Variants in ZMYND15 observed in about 807,000 individuals in gnomAD.
The protein encoded by ZMYND15 is zinc finger MYND-type containing 15.
Under a neutral mutation model 81.7 loss-of-function variants are expected in ZMYND15, and 54 were observed. That is an observed-to-expected ratio of 0.66 (90% CI 0.53 to 0.83). ZMYND15 has a LOEUF of 0.83. Ranked by LOEUF, ZMYND15 falls within the 40% of genes least tolerant of loss-of-function variation. The pLI, the probability that ZMYND15 is intolerant of heterozygous loss-of-function variation, is 0.00. For missense variants in ZMYND15, 925 were observed against 973.5 expected (o/e 0.95, Z 0.66); for synonymous variants, 399 against 387.0 (o/e 1.03, Z -0.36).
rs1272442072 is a variant in ZMYND15 at position 4,745,645 on chromosome 17, C to G, written c.2058-174C>G. On this transcript the variant is annotated intron_variant, in intron 13 of 13. Transcript: ENST00000433935. This position sits in a 1 kb window ranked among gnomAD's most constrained non-coding sequence, Gnocchi z 5.2. The stretch of plus-strand genomic sequence containing the variant: ...CCCTCCAACAGACCCAACCCTGAGT[C>G]TAGCCCCACGCCCTGGAACTCAGAG... 6.6e-6 allele frequency among the ~76,000 whole-genome samples: 1 copy of G among 151,488 alleles called. No homozygotes were observed. Among genetic ancestry groups the G allele is most frequent in the South Asian group, 2.1e-4 (1 of 4,822 alleles).
intron 1 of ZMYND15, 148 bp downstream of exon 1, chr17:4,740,198 T>G: frequency 1.7e-6 from 1 of 596,536 alleles, no homozygotes. Context: ...CCGTTCCCGA[T>G]AGGATTAGCC....
chr17:4,741,990 A>T lies in ZMYND15; in HGVS notation c.903A>T (p.Pro301=). ...KTPMRTWGPR[P]GFTFASLRAR... Reference sequence around the variant, plus strand: ...CAATGCGGACATGGGGTCCCCGGCCAGGCTTCACCTTTGCTTCCCTTCGTG... The same window carrying T: ...CAATGCGGACATGGGGTCCCCGGCCTGGCTTCACCTTTGCTTCCCTTCGTG... The change falls in exon 4 of 14, where the codon CCA becomes CCT. Residue 301 remains proline, a synonymous_variant. Transcript: ENST00000433935. 1.2e-6 allele frequency: 2 copies of T among 1,614,192 alleles called. No homozygotes were observed. The highest frequency in any genetic ancestry group is 1.7e-6 in the Non-Finnish European group (2 of 1,180,034).
chr17:4,741,076 T>C lies in ZMYND15; in HGVS notation c.528T>C (p.Asp176=). 6.5e-7 allele frequency: 1 copy of C among 1,544,498 alleles called. No homozygotes were observed. Among genetic ancestry groups the C allele is most frequent in the East Asian group, 2.4e-5 (1 of 40,950 alleles). ...EAAREAGGGK[D]GCREDRVENE... Reference sequence around the variant, plus strand: ...CCCGGGAGGCAGGAGGTGGCAAGGATGGCTGCCGAGAGGACAGGGTGGAGA... The same window carrying C: ...CCCGGGAGGCAGGAGGTGGCAAGGACGGCTGCCGAGAGGACAGGGTGGAGA... The change falls in exon 2 of 14, where the codon GAT becomes GAC. Residue 176 remains aspartate, a synonymous_variant. Transcript: ENST00000433935.
In ZMYND15 at chr17:4,745,763, G is replaced by GACCCCTGGGAGCA; in HGVS notation, c.2058-56_2058-55insACCCCTGGGAGCA. 1.2e-6 allele frequency: 1 copy of GACCCCTGGGAGCA among 809,462 alleles called. No homozygotes were observed. The highest frequency in any genetic ancestry group is 1.7e-6 in the Non-Finnish European group (1 of 592,870). 50.1% of individuals were successfully genotyped at this position (809,462 alleles called of 1,614,324 possible). On this transcript the variant is annotated intron_variant, in intron 13 of 13. Coordinates refer to ENST00000433935, the MANE Select transcript of ZMYND15 (RefSeq NM_001136046.3). This position sits in a 1 kb window ranked among gnomAD's most constrained non-coding sequence, Gnocchi z 5.2. The stretch of plus-strand genomic sequence containing the variant: ...CCTGGGAGCCCCGACCCCTGGGAGC[G>GACCCCTGGGAGCA]CCGACCCCTGGGAGTCCCGCCCCGT...
In ZMYND15 at chr17:4,743,638, T is replaced by C; in HGVS notation, c.1298-129T>C. ...CTACCAACTCCACCCAGAAACCCCA[T>C]CCCTATGCAAACCCCCATTCCTCTT... is the stretch of plus-strand genomic sequence containing the variant. On this transcript the variant is annotated intron_variant, in intron 6 of 13. Coordinates refer to ENST00000433935, the MANE Select transcript of ZMYND15 (RefSeq NM_001136046.3). The surrounding 1 kb of genome is among the most constrained non-coding windows in gnomAD (Gnocchi z 4.3). 7.9e-7 allele frequency: 1 copy of C among 1,269,808 alleles called. No individual in the cohort carries two copies. The highest frequency in any genetic ancestry group is 1.1e-6 in the Non-Finnish European group (1 of 925,656). The allele number at this position is 1,269,808 out of a possible 1,614,324, so 78.7% of individuals were successfully genotyped here.
In ZMYND15 at chr17:4,740,857, C is replaced by T. The variant is rs1262624246; in HGVS notation, c.309C>T (p.Tyr103=). The part of the protein sequence containing the change: ...PPLHLRDLSP[Y]ISFVSLEDGE... ...TCCACCTGCGAGACCTGAGCCCCTA[C>T]ATCAGCTTTGTCAGCCTAGAGGATG... The change falls in exon 2 of 14, where the codon TAC becomes TAT. Residue 103 remains tyrosine, a synonymous_variant. Coordinates refer to ENST00000433935, the MANE Select transcript of ZMYND15 (RefSeq NM_001136046.3). 2 of 1,576,030 alleles carry T rather than the reference C, an allele frequency of 1.3e-6. No individual in the cohort carries two copies. The highest frequency in any genetic ancestry group is 1.7e-6 in the Non-Finnish European group (2 of 1,158,760).
At chr17:4,740,190 G>A (rs776552828) in intron 1 of ZMYND15, 140 bp downstream of exon 1, 2 of 625,182 alleles carry the variant, frequency 3.2e-6, no homozygotes, top group Non-Finnish European at 4.0e-6. Flanking sequence ...CCACCAAACC[G>A]TTCCCGATAG....
At chr17:4,741,867 C>A (rs762319449) in intron 3 of ZMYND15, 48 bp from the exon 4 acceptor site, 4 of 1,593,940 alleles carry the variant, frequency 2.5e-6, no homozygotes, top group Non-Finnish European at 2.6e-6. Flanking sequence ...CCTGGATTCC[C>A]AAGCACCTCC....
chr17:4,742,173 A>G (rs1916456541), intron 4 of ZMYND15, 103 bp downstream of exon 4: 3 of 1,557,706 alleles, frequency 1.9e-6, no homozygotes, highest in Non-Finnish European at 2.6e-6. Context: ...AGGCAGGGAC[A>G]TGAGAAGATG....
Position 4,745,881 on chromosome 17 carries a change from C to T in ZMYND15, c.2120C>T (p.Pro707Leu), listed in dbSNP as rs749235659. Residue 707 changes from proline (P) to leucine (L), a missense_variant, in exon 14 of 14, where the codon CCG becomes CTG. Physicochemically the swap from Pro to Leu is moderately conservative, Grantham distance 98. Coordinates refer to ENST00000433935, the MANE Select transcript of ZMYND15 (RefSeq NM_001136046.3). The surrounding 1 kb of genome is among the most constrained non-coding windows in gnomAD (Gnocchi z 5.2). ...YKPAQGSGARPAPGPPPPSPT... is the reference protein window; with the variant it reads ...YKPAQGSGARLAPGPPPPSPT... ...CCTGCTCAAGGGAGCGGGGCCCGCC[C>T]GGCGCCCGGGCCCCCACCCCCATCC... 13 of 1,572,122 alleles carry T rather than the reference C, an allele frequency of 8.3e-6. No individual in the cohort carries two copies. Among genetic ancestry groups the T allele is most frequent in the East Asian group, 2.4e-5 (1 of 41,184 alleles).
rs763906799 is a variant in ZMYND15, at chr17:4,743,748, CCTT to C, written c.1298-15_1298-13del. The C allele has an allele frequency of 1.2e-5, 19 of 1,610,046 alleles. No homozygotes were observed. Among genetic ancestry groups the C allele is most frequent in the Non-Finnish European group, 1.4e-5 (17 of 1,178,182 alleles). The stretch of plus-strand genomic sequence containing the variant: ...GGGGTCTCCCTGACCCCAGGCCCCT[CCTT>C]CTTTCATCCTCTCAGGAGACCCCTA... On this transcript the variant is annotated splice_polypyrimidine_tract_variant and intron_variant, in intron 6 of 13. Coordinates refer to ENST00000433935, the MANE Select transcript of ZMYND15 (RefSeq NM_001136046.3). This position sits in a 1 kb window ranked among gnomAD's most constrained non-coding sequence, Gnocchi z 4.3.
rs1050169983 is a variant in ZMYND15 at position 4,740,174 on chromosome 17, C to T, written c.-31+124C>T. The T allele has an allele frequency of 5.4e-6, 4 of 735,498 alleles. No individual in the cohort carries two copies. The South Asian group carries it at 1.8e-4, about 33-fold the overall frequency. 45.6% of individuals were successfully genotyped at this position (735,498 alleles called of 1,614,324 possible). ...CCCCACAGACGCATCCAAAATGCTTCCCTCCCCACCAAACCGTTCCCGATA... is the reference window on the plus strand; with the variant it reads ...CCCCACAGACGCATCCAAAATGCTTTCCTCCCCACCAAACCGTTCCCGATA... On this transcript the variant is annotated intron_variant, in intron 1 of 13. Coordinates refer to ENST00000433935, the MANE Select transcript of ZMYND15 (RefSeq NM_001136046.3).
rs1465448559 is a variant in ZMYND15, at chr17:4,742,240, G to A, written c.984-91G>A. ...TTAGAGGGTGTAAGACAAACAGACC[G>A]AGTGACATATGGGCAGCTGCTGGGC... On this transcript the variant is annotated intron_variant, in intron 4 of 13. Transcript: ENST00000433935. 1.5e-5 allele frequency: 23 copies of A among 1,556,766 alleles called. 1 individual carries two copies. The highest frequency in any genetic ancestry group is 4.3e-4 in the Middle Eastern group (2 of 4,684).
chr17:4,745,420 T>C lies in ZMYND15; in HGVS notation c.2057+45T>C. On this transcript the variant is annotated intron_variant, in intron 13 of 13. Transcript: ENST00000433935. The surrounding 1 kb of genome is among the most constrained non-coding windows in gnomAD (Gnocchi z 5.2). ...TTTCCTTCCTGACCCTTAACTTCTC[T>C]TACTCTCTGGCTCCACATCCTCGAA... 6.5e-7 allele frequency: 1 copy of C among 1,548,474 alleles called. No homozygotes were observed.
In ZMYND15 at chr17:4,741,980, G is replaced by T. The variant is rs923890343; in HGVS notation, c.893G>T (p.Gly298Val). 2 of 1,614,178 alleles carry T rather than the reference G, an allele frequency of 1.2e-6. No individual in the cohort carries two copies. Among genetic ancestry groups the T allele is most frequent in the Admixed American group, 3.3e-5 (2 of 60,018 alleles). ...KLAKTPMRTWGPRPGFTFASL... is the reference protein window; with the variant it reads ...KLAKTPMRTWVPRPGFTFASL... The stretch of plus-strand genomic sequence containing the variant: ...GCCAAAACCCCAATGCGGACATGGG[G>T]TCCCCGGCCAGGCTTCACCTTTGCT... Residue 298 changes from glycine to valine, a missense_variant, in exon 4 of 14, where the codon GGT (glycine) becomes GTT (valine). Coordinates refer to ENST00000433935, the MANE Select transcript of ZMYND15 (RefSeq NM_001136046.3).
At position 4,744,231 on chromosome 17, in the gene ZMYND15, C is replaced by T. The variant is rs747167760; in HGVS notation, c.1537C>T (p.His513Tyr). ...CCAAAACAAACAGTCACTGAAGATC[C>T]ACGTGGTGGAGGCCGGGAAGGAGTT... is the stretch of plus-strand genomic sequence containing the variant. ...NIQNKQSLKIHVVEAGKEFDL... is the reference protein window; with the variant it reads ...NIQNKQSLKIYVVEAGKEFDL... The change falls in exon 9 of 14, where the codon CAC becomes TAC. Residue 513 changes from histidine (H) to tyrosine (Y), a missense_variant. By Grantham distance (83) the His-to-Tyr change is moderately conservative (BLOSUM62 2). Coordinates refer to ENST00000433935, the MANE Select transcript of ZMYND15 (RefSeq NM_001136046.3). The surrounding 1 kb of genome is among the most constrained non-coding windows in gnomAD (Gnocchi z 4.1). 2 of 1,614,056 alleles carry T rather than the reference C, an allele frequency of 1.2e-6. No homozygotes were observed. The highest frequency in any genetic ancestry group is 3.3e-5 in the Admixed American group (2 of 60,008).
chr17:4,744,763 C>G lies in ZMYND15; in HGVS notation c.1822C>G (p.Pro608Ala). ...CTACCACCTGTTCCAGGGGCCCAAG[C>G]CTGACCTGGTTATTGGTAAAAGCCT... is the stretch of plus-strand genomic sequence containing the variant. ...RPYHLFQGPKPDLVIGFNSGF... is the reference protein window; with the variant it reads ...RPYHLFQGPKADLVIGFNSGF... The change falls in exon 11 of 14, where the codon CCT becomes GCT. Residue 608 changes from proline to alanine, a missense_variant. Pro to Ala is a conservative substitution (Grantham distance 27). Coordinates refer to ENST00000433935, the MANE Select transcript of ZMYND15 (RefSeq NM_001136046.3). This position sits in a 1 kb window ranked among gnomAD's most constrained non-coding sequence, Gnocchi z 4.1. 6.2e-7 allele frequency: 1 copy of G among 1,614,162 alleles called. No homozygotes were observed. Among genetic ancestry groups the G allele is most frequent in the African/African-American group, 1.3e-5 (1 of 75,042 alleles).
chr17:4,741,187 T>G, intron 2 of ZMYND15, 47 bp downstream of exon 2: 1 of 1,393,258 alleles, frequency 7.2e-7, no homozygotes, highest in Non-Finnish European at 9.3e-7. Context: ...CCAGCCATCC[T>G]CCCTTCGGAA....
At position 4,745,093 on chromosome 17, in the gene ZMYND15, C is replaced by G; in HGVS notation, c.1897-122C>G. On this transcript the variant is annotated intron_variant, in intron 12 of 13. Transcript: ENST00000433935. This position sits in a 1 kb window ranked among gnomAD's most constrained non-coding sequence, Gnocchi z 5.2. ...GCCTCTCTCTGTGTCTGTCTCCGTC[C>G]TCCCCCTGCTCCCCTCCGCCCGGTC... is the stretch of plus-strand genomic sequence containing the variant. 1 of 1,561,082 alleles carries G rather than the reference C, an allele frequency of 6.4e-7. No homozygotes were observed. The highest frequency in any genetic ancestry group is 8.8e-7 in the Non-Finnish European group (1 of 1,140,822).
Sources: gnomAD v4.1 joint callset for allele counts (sites outside exome capture counted in the v4.1 genomes callset) on GRCh38, gnomAD v4.1.1 for gene constraint, Gnocchi (gnomAD v3.1) non-coding constraint, MANE v1.5 for transcripts, NCBI Gene and HGNC (gene_info 2026-07-23, HGNC 2026-07-21) for gene names.